The following CHL1 variants were observed in gnomAD, a reference collection of about 807,000 sequenced individuals.
The protein encoded by CHL1 is neural cell adhesion molecule L1-like protein.
Under a neutral mutation model 141.9 loss-of-function variants are expected in CHL1, and 96 were observed. That is an observed-to-expected ratio of 0.68 (90% CI 0.57 to 0.80). The LOEUF (loss-of-function observed/expected upper bound fraction) is 0.80, where lower values mean the gene tolerates loss of function less well. CHL1 is among the 30% of genes least tolerant of loss of function. The probability of loss-of-function intolerance (pLI) is 0.00; values close to 1 mark genes in which losing one functional copy is unlikely to be tolerated. For synonymous variants in CHL1, 613 were observed against 502.2 expected (o/e 1.22, Z -2.95); for missense variants, 1,820 against 1,457.2 (o/e 1.25, Z -4.05).
chr3:357,503 G>A (rs550088483), intron 11 of CHL1, among the ~76,000 whole-genome samples: 86 of 152,272 alleles, frequency 5.6e-4, no homozygotes, highest in African/African-American at 2.0e-3. Context: ...ATTACTTACT[G>A]GAGAATGCAA....
chr3:380,221 C>G (rs990301302), intron 16 of CHL1, among the ~76,000 whole-genome samples: 3 of 152,166 alleles, frequency 2.0e-5, no homozygotes, highest in Non-Finnish European at 4.4e-5. Context: ...TTATTTATGG[C>G]TTTAATGTTT....
chr3:367,816 G>A (rs934199377), intron 15 of CHL1, among the ~76,000 whole-genome samples: 2 of 151,928 alleles, frequency 1.3e-5, no homozygotes, highest in Non-Finnish European at 1.5e-5. Flanking sequence ...AAAGTCCCTG[G>A]TATGTGTGAT....
At chr3:334,123 T>C (rs990881899) in intron 5 of CHL1, among the ~76,000 whole-genome samples, 13 of 152,108 alleles carry the variant, frequency 8.5e-5, no homozygotes, top group Non-Finnish European at 1.9e-4. Flanking sequence ...TGCCCACCTA[T>C]AAACATCTTT....
chr3:329,733 C>T (rs934427910), intron 5 of CHL1, among the ~76,000 whole-genome samples: 1 of 151,808 alleles, frequency 6.6e-6, no homozygotes, highest in Non-Finnish European at 1.5e-5. Context: ...CTTAAGGATA[C>T]AGAATTGTTG....
intron 24 of CHL1, among the ~76,000 whole-genome samples, chr3:396,362 A>G (rs913105355): frequency 1.3e-5 from 2 of 152,202 alleles, no homozygotes; most frequent in Non-Finnish European, 2.9e-5. Context: ...AATTTAAGGC[A>G]TGGAGTTGGT....
intron 2 of CHL1, among the ~76,000 whole-genome samples, chr3:289,829 A>C (rs574858137): frequency 1.0e-3 from 152 of 151,768 alleles, no homozygotes; most frequent in African/African-American, 3.5e-3. Flanking sequence ...TAATACATTT[A>C]CTTAATACAT....
At chr3:309,425 T>TTG (rs60454888) in intron 2 of CHL1, 24 of 150,224 alleles carry the variant, frequency 1.6e-4, no homozygotes, top group African/African-American at 5.9e-4. Context: ...CTTTTCTTCC[T>TTG]CTTTCTTTCT....
chr3:231,230 A>G (rs1045655374), intron 1 of CHL1, among the ~76,000 whole-genome samples: 4 of 152,190 alleles, frequency 2.6e-5, no homozygotes, highest in African/African-American at 9.7e-5. Flanking sequence ...CTTTTCCACA[A>G]TACTTATAAA....
intron 1 of CHL1, among the ~76,000 whole-genome samples, chr3:229,424 G>A (rs141162781): frequency 6.6e-6 from 1 of 152,088 alleles, no homozygotes; most frequent in Non-Finnish European, 1.5e-5. Context: ...TTCAGTTGCA[G>A]CCACTCCAGG....
chr3:348,752 G>A (rs997982793), intron 9 of CHL1, among the ~76,000 whole-genome samples: 3 of 152,184 alleles, frequency 2.0e-5, no homozygotes, highest in Non-Finnish European at 2.9e-5. Flanking sequence ...TCTGCTTCCC[G>A]ACAAGGGCGA....
In CHL1 at chr3:334,038, C is replaced by T. The variant is rs1701670252; in HGVS notation, c.385+5684C>T. On this transcript the variant is annotated intron_variant, in intron 5 of 27. Transcript: ENST00000256509. ...GTGGTACAAACATGGCTCACTGCAG[C>T]CTCATCCTCCTGGGCTCTAGCAATC... Among the ~76,000 whole-genome samples, 3 of 152,068 alleles carry T rather than the reference C, an allele frequency of 2.0e-5. No individual in the cohort carries two copies. In the South Asian group the frequency reaches 6.2e-4, roughly 31 times the overall value.
chr3:355,807 C>G (rs969042350), intron 11 of CHL1, among the ~76,000 whole-genome samples: 2 of 152,082 alleles, frequency 1.3e-5, no homozygotes, highest in African/African-American at 4.8e-5. Context: ...GGCAGTGATT[C>G]ATCTGTAGAG....
intron 1 of CHL1, chr3:197,775 C>T (rs1384558973): frequency 2.2e-6 from 1 of 455,774 alleles, no homozygotes; most frequent in Non-Finnish European, 4.4e-6. Context: ...CGCCGGGGGC[C>T]GTGGTTGCCA....
chr3:334,880 G>T (rs1198173702), intron 5 of CHL1, among the ~76,000 whole-genome samples: 1 of 152,140 alleles, frequency 6.6e-6, no homozygotes, highest in Non-Finnish European at 1.5e-5. Context: ...CCTTGTAGAT[G>T]TCACAAGAAT....
intron 2 of CHL1, among the ~76,000 whole-genome samples, chr3:310,795 G>A (rs1003861689): frequency 7.9e-5 from 12 of 152,230 alleles, no homozygotes; most frequent in African/African-American, 2.9e-4. Context: ...TACATTCTAC[G>A]GGTTTTGACA....
chr3:225,200 T>C (rs1490772973), intron 1 of CHL1, among the ~76,000 whole-genome samples: 1 of 152,230 alleles, frequency 6.6e-6, no homozygotes, highest in Non-Finnish European at 1.5e-5. Flanking sequence ...GAATCTTTTA[T>C]TCATTCAACA....
chr3:401,825 A>C (rs1709163453), intron 27 of CHL1, 127 bp downstream of exon 27: 1 of 553,916 alleles, frequency 1.8e-6, no homozygotes, highest in East Asian at 3.3e-5. Context: ...TATAAAGAAT[A>C]CTTTGTACAA....
At chr3:256,397 A>G (rs550358901) in intron 2 of CHL1, among the ~76,000 whole-genome samples, 10 of 152,330 alleles carry the variant, frequency 6.6e-5, no homozygotes, top group African/African-American at 2.4e-4. Flanking sequence ...ATAAATATGA[A>G]TAGAATTATC....
chr3:205,168 T>C (rs559751306), intron 1 of CHL1, among the ~76,000 whole-genome samples: 15 of 148,170 alleles, frequency 1.0e-4, no homozygotes, highest in African/African-American at 2.0e-4. Flanking sequence ...TGGAGTACAG[T>C]GGTATGGTCA....
Sources: allele counts gnomAD v4.1 joint callset (sites outside exome capture counted in the v4.1 genomes callset), GRCh38; gene constraint gnomAD v4.1.1; transcripts MANE v1.5; gene names NCBI Gene and HGNC (gene_info 2026-07-23, HGNC 2026-07-21).